MYO5B: variants seen among roughly 807,000 people sequenced by gnomAD.
The protein encoded by MYO5B is myosin VB.
In MYO5B, 143 loss-of-function variants were observed where a neutral mutation model predicts 229.3. That is an observed-to-expected ratio of 0.62 (90% CI 0.54 to 0.72). The LOEUF is 0.72. Among genes scored for constraint, MYO5B ranks in the 30% least tolerant of loss-of-function variants. The probability of loss-of-function intolerance (pLI) is 0.00; values close to 1 mark genes in which losing one functional copy is unlikely to be tolerated. For missense variants in MYO5B, 2,321 were observed against 2,331.0 expected (o/e 1.00, Z 0.09); for synonymous variants, 918 against 885.2 (o/e 1.04, Z -0.66).
intron 8 of MYO5B, among the ~76,000 whole-genome samples, chr18:49,981,841 A>G (rs2025818691): frequency 6.6e-6 from 1 of 152,224 alleles, no homozygotes; most frequent in South Asian, 2.1e-4. Flanking sequence ...GGTTCAGCAT[A>G]ACTGAATACA....
chr18:50,036,994 C>A lies in MYO5B; in HGVS notation c.311G>T (p.Gly104Val). Residue 104 changes from glycine to valine, a missense_variant and splice_region_variant, in exon 4 of 40, where the codon GGT becomes GTT. Transcript: ENST00000285039. ...LESNHIYTYC[G>V]IVLVAINPYE... Reference sequence around the variant, plus strand: ...AGGATTAATGGCAACAAGTACGATACCTGCAAACAGACAAGGTGGTCAGAT... The same window carrying A: ...AGGATTAATGGCAACAAGTACGATAACTGCAAACAGACAAGGTGGTCAGAT... The A allele has an allele frequency of 2.5e-6, 4 of 1,614,072 alleles. No individual in the cohort carries two copies. Among genetic ancestry groups the A allele is most frequent in the Non-Finnish European group, 3.4e-6 (4 of 1,179,978 alleles).
chr18:49,987,413 C>T (rs1006561994), intron 7 of MYO5B, among the ~76,000 whole-genome samples: 4 of 152,164 alleles, frequency 2.6e-5, no homozygotes, highest in Admixed American at 6.5e-5. Flanking sequence ...TGGATCGCAG[C>T]CCTCCTTTCA....
At chr18:50,036,524 A>C (rs992633361) in intron 4 of MYO5B, among the ~76,000 whole-genome samples, 1 of 152,180 alleles carries the variant, frequency 6.6e-6, no homozygotes, top group African/African-American at 2.4e-5. Flanking sequence ...CTAGCAAATG[A>C]ATTATATTAT....
intron 1 of MYO5B, among the ~76,000 whole-genome samples, chr18:50,070,874 A>T (rs2030941870): frequency 6.7e-6 from 1 of 150,254 alleles, no homozygotes; most frequent in South Asian, 2.1e-4. Flanking sequence ...ACAGGATCTC[A>T]TTCTGTCACC....
At chr18:49,930,891 C>CAAAAAAA (rs139716218) in intron 16 of MYO5B, among the ~76,000 whole-genome samples, 1 of 140,838 alleles carries the variant, frequency 7.1e-6, no homozygotes, top group Non-Finnish European at 1.5e-5. Context: ...GACTCTGTCT[C>CAAAAAAA]AAAAAAAAAC....
intron 17 of MYO5B, among the ~76,000 whole-genome samples, chr18:49,913,108 G>A (rs1470779096): frequency 1.3e-5 from 2 of 152,136 alleles, no homozygotes; most frequent in Non-Finnish European, 2.9e-5. Context: ...TAAAGAAAAT[G>A]TCCAGCAATT....
intron 12 of MYO5B, among the ~76,000 whole-genome samples, chr18:49,957,538 G>A (rs767700288): frequency 1.9e-4 from 29 of 152,066 alleles, no homozygotes; most frequent in African/African-American, 3.1e-4. Flanking sequence ...CCCAGCTACT[G>A]GGGAGACTAA....
In MYO5B at chr18:49,990,427, C is replaced by T; in HGVS notation, c.838+12G>A. The stretch of plus-strand genomic sequence containing the variant: ...CCCACCCCAGAGGATAGGCATGCAC[C>T]TGTTGACTTACTTAGTGCAAGCTCT... On this transcript the variant is annotated intron_variant, in intron 7 of 39. Transcript: ENST00000285039. 6.2e-7 allele frequency: 1 copy of T among 1,609,390 alleles called. No individual in the cohort carries two copies.
chr18:49,911,079 G>A (rs1263988006), intron 18 of MYO5B, among the ~76,000 whole-genome samples: 2 of 152,198 alleles, frequency 1.3e-5, no homozygotes, highest in Non-Finnish European at 2.9e-5. Flanking sequence ...ACAAGTATCT[G>A]GGGGAGGGCC....
chr18:49,934,059 A>G (rs1195156136), intron 16 of MYO5B, among the ~76,000 whole-genome samples: 4 of 152,108 alleles, frequency 2.6e-5, no homozygotes, highest in Non-Finnish European at 5.9e-5. Flanking sequence ...AATTTTTTGT[A>G]GAGGTTGGGT....
intron 22 of MYO5B, among the ~76,000 whole-genome samples, chr18:49,886,753 G>T (rs1479050358): frequency 1.3e-5 from 2 of 152,122 alleles, no homozygotes; most frequent in Non-Finnish European, 1.5e-5. Context: ...TACAGAAGAA[G>T]AAGCACCGAC....
At chr18:49,861,091 G>A (rs776564658) in intron 29 of MYO5B, among the ~76,000 whole-genome samples, 35 of 152,228 alleles carry the variant, frequency 2.3e-4, no homozygotes, top group Non-Finnish European at 4.6e-4. Flanking sequence ...CACACACTGC[G>A]AAGCTGGCTC....
chr18:50,010,452 G>A (rs7243216), intron 4 of MYO5B, among the ~76,000 whole-genome samples: 80,788 of 152,114 alleles, frequency 0.53, 22,064 homozygotes, highest in East Asian at 0.72. Flanking sequence ...GCACTCCTCG[G>A]TGTAAATGGG....
chr18:50,045,761 C>T (rs1327536435), intron 2 of MYO5B, among the ~76,000 whole-genome samples: 1 of 152,214 alleles, frequency 6.6e-6, no homozygotes, highest in Non-Finnish European at 1.5e-5. Flanking sequence ...TAATGACTGA[C>T]ACATTAGACA....
chr18:49,973,913 G>T (rs919651368), intron 10 of MYO5B, among the ~76,000 whole-genome samples: 1 of 152,064 alleles, frequency 6.6e-6, no homozygotes, highest in African/African-American at 2.4e-5. Context: ...TACTAAAATA[G>T]CCACCTTGAC....
chr18:49,868,200 G>A (rs533860800), intron 27 of MYO5B, among the ~76,000 whole-genome samples: 81 of 151,904 alleles, frequency 5.3e-4, no homozygotes, highest in Non-Finnish European at 1.1e-3. Flanking sequence ...GCAGGAATAT[G>A]GATTTTTTAA....
chr18:49,995,162 G>A (rs992854066), intron 5 of MYO5B, among the ~76,000 whole-genome samples: 1 of 151,890 alleles, frequency 6.6e-6, no homozygotes, highest in Non-Finnish European at 1.5e-5. Context: ...CTCACTACCA[G>A]ACAGAAAGCC....
In MYO5B at chr18:50,167,114, G is replaced by A. The variant is rs759435259; in HGVS notation, c.27+27653C>T. Among the ~76,000 whole-genome samples, 48 of 152,320 alleles carry A rather than the reference G, an allele frequency of 3.2e-4. 1 individual carries two copies. In the Middle Eastern group the frequency reaches 0.01, roughly 32 times the overall value. On this transcript the variant is annotated intron_variant, in intron 1 of 39. Transcript: ENST00000285039. ...CTGCCCCTCTGGCAAGCAAGCCACC[G>A]CTGGGAAAAGGCTATAGTACACTGT...
At position 49,962,423 on chromosome 18, in the gene MYO5B, G is replaced by A. The variant is rs764239818; in HGVS notation, c.1405-17C>T. The A allele has an allele frequency of 2.0e-5, 33 of 1,613,982 alleles. No individual in the cohort carries two copies. The South Asian group carries it at 3.2e-4, about 16-fold the overall frequency. Reference sequence around the variant, plus strand: ...GAAAACATGCTAGGGCAAGTAAAAAGGTCACACGAGTGAACTGCAGGCACA... The same window carrying A: ...GAAAACATGCTAGGGCAAGTAAAAAAGTCACACGAGTGAACTGCAGGCACA... On this transcript the variant is annotated splice_polypyrimidine_tract_variant and intron_variant, in intron 11 of 39. Transcript: ENST00000285039.
Sources: gnomAD v4.1 joint callset for allele counts (sites outside exome capture counted in the v4.1 genomes callset) on GRCh38, gnomAD v4.1.1 for gene constraint, MANE v1.5 for transcripts, NCBI Gene and HGNC (gene_info 2026-07-23, HGNC 2026-07-21) for gene names.